Variants in PLEKHG3 observed in about 807,000 individuals in gnomAD.
PLEKHG3 encodes pleckstrin homology and RhoGEF domain containing G3.
PLEKHG3 carries 62 observed loss-of-function variants against 94.9 expected under a neutral mutation model. That is an observed-to-expected ratio of 0.65 (90% CI 0.53 to 0.81). PLEKHG3 has a LOEUF of 0.81. Ranked by LOEUF, PLEKHG3 falls within the 30% of genes least tolerant of loss-of-function variation. PLEKHG3 has a pLI of 0.00. For synonymous variants in PLEKHG3, 614 were observed against 654.0 expected (o/e 0.94, Z 0.93); for missense variants, 1,461 against 1,619.3 (o/e 0.90, Z 1.68).
rs1457637553 is a variant in PLEKHG3 at position 64,720,650 on chromosome 14, C to T, written c.-39-6943C>T. ...CAATGCTTTAAGTGATAGGGTGTTT[C>T]GAGTTCAGAGGAGTATATTACTTCC... is the stretch of plus-strand genomic sequence containing the variant. On this transcript the variant is annotated intron_variant, in intron 1 of 16. Coordinates refer to ENST00000247226, the MANE Select transcript of PLEKHG3 (RefSeq NM_001308147.2). This position sits in a 1 kb window ranked among gnomAD's most constrained non-coding sequence, Gnocchi z 4.1. Among the ~76,000 whole-genome samples the T allele has an allele frequency of 2.0e-5, 3 of 152,286 alleles. No homozygotes were observed. The highest frequency in any genetic ancestry group is 1.9e-4 in the East Asian group (1 of 5,180).
At position 64,743,210 on chromosome 14, in the gene PLEKHG3, A is replaced by G; in HGVS notation, c.3167A>G (p.Lys1056Arg). 2 of 1,609,768 alleles carry G rather than the reference A, an allele frequency of 1.2e-6. No homozygotes were observed. The highest frequency in any genetic ancestry group is 1.7e-6 in the Non-Finnish European group (2 of 1,179,784). Residue 1056 changes from lysine to arginine, a missense_variant, in exon 17 of 17, where the codon AAG becomes AGG. By Grantham distance (26) the Lys-to-Arg change is conservative. Around this residue, in one of 3 missense-constraint regions of PLEKHG3, gnomAD observed 1,201 missense variants for 1,295.5 expected, o/e 0.93. Coordinates refer to ENST00000247226, the MANE Select transcript of PLEKHG3 (RefSeq NM_001308147.2). This position sits in a 1 kb window ranked among gnomAD's most constrained non-coding sequence, Gnocchi z 7.2. ...CCCGACGTCCGTGAGCTCTGCTCCAAGTATGCCTCCCGCGATGAGGCACGC... is the reference window on the plus strand; with the variant it reads ...CCCGACGTCCGTGAGCTCTGCTCCAGGTATGCCTCCCGCGATGAGGCACGC... ...SWPDVRELCS[K>R]YASRDEARRA...
In PLEKHG3 at chr14:64,738,966, C is replaced by T; in HGVS notation, c.1518+111C>T. On this transcript the variant is annotated intron_variant, in intron 15 of 16. Coordinates refer to ENST00000247226, the MANE Select transcript of PLEKHG3 (RefSeq NM_001308147.2). This position sits in a 1 kb window ranked among gnomAD's most constrained non-coding sequence, Gnocchi z 4.8. ...GGCTCTCCCACTGGGCCCATGGGAA[C>T]AGAGATTCCCCACCTCCCAGGACTC... is the stretch of plus-strand genomic sequence containing the variant. 1 of 702,336 alleles carries T rather than the reference C, an allele frequency of 1.4e-6. No individual in the cohort carries two copies. Among genetic ancestry groups the T allele is most frequent in the Non-Finnish European group, 2.6e-6 (1 of 392,040 alleles). The allele number at this position is 702,336 out of a possible 1,614,324, so 43.5% of individuals were successfully genotyped here.
chr14:64,743,528 G>A lies in PLEKHG3; in HGVS notation c.3485G>A (p.Ser1162Asn). ...LPSPTAGLEE[S>N]SGQGPSSPVA... ...AGCCCCACTGCAGGGCTGGAGGAGA[G>A]CAGTGGCCAGGGACCAAGCTCACCG... is the stretch of plus-strand genomic sequence containing the variant. The change falls in exon 17 of 17, where the codon AGC becomes AAC. Residue 1162 changes from serine to asparagine, a missense_variant. Transcript: ENST00000247226. The surrounding 1 kb of genome is among the most constrained non-coding windows in gnomAD (Gnocchi z 7.2). The A allele has an allele frequency of 6.2e-7, 1 of 1,613,066 alleles. No individual in the cohort carries two copies. The highest frequency in any genetic ancestry group is 1.1e-5 in the South Asian group (1 of 91,078).
At chr14:64,735,701 A>C (rs980268755) in intron 12 of PLEKHG3, among the ~76,000 whole-genome samples, 1 of 151,844 alleles carries the variant, frequency 6.6e-6, no homozygotes, top group Admixed American at 6.6e-5. Context: ...GAAAGTCACT[A>C]GGGAGGGACT....
In PLEKHG3 at chr14:64,720,906, T is replaced by C. The variant is rs995057860; in HGVS notation, c.-39-6687T>C. 4.6e-5 allele frequency among the ~76,000 whole-genome samples: 7 copies of C among 152,214 alleles called. No homozygotes were observed. The highest frequency in any genetic ancestry group is 1.0e-4 in the Non-Finnish European group (7 of 68,036). On this transcript the variant is annotated intron_variant, in intron 1 of 16. Coordinates refer to ENST00000247226, the MANE Select transcript of PLEKHG3 (RefSeq NM_001308147.2). The surrounding 1 kb of genome is among the most constrained non-coding windows in gnomAD (Gnocchi z 4.1). Reference sequence around the variant, plus strand: ...AAGCCAGCAGTGTAGCATCTTCCAGTTCCCTTCTCTCTGTCCCTCTGCTTT... The same window carrying C: ...AAGCCAGCAGTGTAGCATCTTCCAGCTCCCTTCTCTCTGTCCCTCTGCTTT...
chr14:64,729,035 A>G lies in PLEKHG3; in HGVS notation c.391A>G (p.Lys131Glu). The change falls in exon 3 of 17, where the codon AAG becomes GAG. Residue 131 changes from lysine (K) to glutamate (E), a missense_variant. Coordinates refer to ENST00000247226, the MANE Select transcript of PLEKHG3 (RefSeq NM_001308147.2). ...LKIIDTPGLL[K>E]PEQVSALFGN... ...GATCATTGACACACCCGGGCTGCTGAAGCCAGAACAGGTCAGCGCCCTCTT... is the reference window on the plus strand; with the variant it reads ...GATCATTGACACACCCGGGCTGCTGGAGCCAGAACAGGTCAGCGCCCTCTT... 6.5e-7 allele frequency: 1 copy of G among 1,529,342 alleles called. No individual in the cohort carries two copies. The highest frequency in any genetic ancestry group is 8.8e-7 in the Non-Finnish European group (1 of 1,141,030). The allele number at this position is 1,529,342 out of a possible 1,614,324, so 94.7% of individuals were successfully genotyped here.
In PLEKHG3 at chr14:64,711,707, C is replaced by T. The variant is rs145360054; in HGVS notation, c.-40+7003C>T. ...AATTACAGGTGTGAGCCATTGCGCC[C>T]GGCCAAGAGTTCTTTATATATTCTG... is the stretch of plus-strand genomic sequence containing the variant. On this transcript the variant is annotated intron_variant, in intron 1 of 16. Transcript: ENST00000247226. Among the ~76,000 whole-genome samples the T allele has an allele frequency of 2.5e-4, 38 of 152,284 alleles. No homozygotes were observed. The East Asian group carries it at 6.7e-3, about 27-fold the overall frequency.
At position 64,741,574 on chromosome 14, in the gene PLEKHG3, T is replaced by G; in HGVS notation, c.2057T>G (p.Met686Arg). 3 of 1,612,976 alleles carry G rather than the reference T, an allele frequency of 1.9e-6. No homozygotes were observed. The highest frequency in any genetic ancestry group is 2.5e-6 in the Non-Finnish European group (3 of 1,180,034). The change falls in exon 16 of 17, where the codon ATG becomes AGG. Residue 686 changes from methionine (M) to arginine (R), a missense_variant. Met to Arg is a moderately conservative substitution (Grantham distance 91, BLOSUM62 -1). Transcript: ENST00000247226. ...GAGGACAGCCCTTCTGTCAATGGGA[T>G]GGAGCCCCCAAGCCCAGGCTGCCCA... ...ATEDSPSVNG[M>R]EPPSPGCPVE...
intron 1 of PLEKHG3, among the ~76,000 whole-genome samples, chr14:64,719,147 A>G (rs2081220204): frequency 6.6e-6 from 1 of 152,136 alleles, no homozygotes; most frequent in Non-Finnish European, 1.5e-5. Flanking sequence ...CATGGTCTAT[A>G]TGGATGTTGA....
intron 1 of PLEKHG3, among the ~76,000 whole-genome samples, chr14:64,708,927 A>G (rs1323625310): frequency 3.3e-5 from 5 of 151,304 alleles, no homozygotes; most frequent in Admixed American, 1.3e-4. Flanking sequence ...AAGCTAGATG[A>G]TCTGATATTA....
In PLEKHG3 at chr14:64,723,605, A is replaced by T. The variant is rs1012855428; in HGVS notation, c.-39-3988A>T. Among the ~76,000 whole-genome samples, 7 of 151,218 alleles carry T rather than the reference A, an allele frequency of 4.6e-5. No individual in the cohort carries two copies. Among genetic ancestry groups the T allele is most frequent in the African/African-American group, 7.3e-5 (3 of 41,192 alleles). ...AACATCTGCCTTCCAGGTTCAAGCG[A>T]TTCTTCTGCCTCAGCCCCCCGAGTA... On this transcript the variant is annotated intron_variant, in intron 1 of 16. Coordinates refer to ENST00000247226, the MANE Select transcript of PLEKHG3 (RefSeq NM_001308147.2). The surrounding 1 kb of genome is among the most constrained non-coding windows in gnomAD (Gnocchi z 4.5).
chr14:64,740,116 G>C (rs2081657514), intron 15 of PLEKHG3, among the ~76,000 whole-genome samples: 1 of 152,156 alleles, frequency 6.6e-6, no homozygotes, highest in South Asian at 2.1e-4. Context: ...AATCTGGTGT[G>C]TATTTTATCC....
chr14:64,704,815 C>T lies in PLEKHG3; in HGVS notation c.-40+111C>T, dbSNP rs2080945970. Reference sequence around the variant, plus strand: ...AGTCCCTTCGCGGCCCCCGTGCCAGCCCCCTGCGGGGTGAGGACCGGGGCG... The same window carrying T: ...AGTCCCTTCGCGGCCCCCGTGCCAGTCCCCTGCGGGGTGAGGACCGGGGCG... On this transcript the variant is annotated intron_variant, in intron 1 of 16. Transcript: ENST00000247226. This position sits in a 1 kb window ranked among gnomAD's most constrained non-coding sequence, Gnocchi z 5.6. 2 of 152,606 alleles carry T rather than the reference C, an allele frequency of 1.3e-5. No homozygotes were observed. Among genetic ancestry groups the T allele is most frequent in the Non-Finnish European group, 2.9e-5 (2 of 68,340 alleles). The allele number at this position is 152,606 out of a possible 1,614,324, so 9.5% of individuals were successfully genotyped here.
Position 64,742,404 on chromosome 14 carries a change from C to T in PLEKHG3, c.2887C>T (p.Pro963Ser), listed in dbSNP as rs1441742321. ...GGCCCCTGAGAGGGATGGGAAGAGC[C>T]CCACTGTGCCCTGTCTACAGGAAGA... ...KVAPERDGKS[P>S]TVPCLQEEAG... Residue 963 changes from proline to serine, a missense_variant, in exon 16 of 17, where the codon CCC becomes TCC. Coordinates refer to ENST00000247226, the MANE Select transcript of PLEKHG3 (RefSeq NM_001308147.2). The T allele has an allele frequency of 6.2e-7, 1 of 1,612,616 alleles. No homozygotes were observed.
rs2081290077 is a variant in PLEKHG3 at position 64,723,022 on chromosome 14, G to A, written c.-39-4571G>A. 6.6e-6 allele frequency among the ~76,000 whole-genome samples: 1 copy of A among 152,144 alleles called. No individual in the cohort carries two copies. Among genetic ancestry groups the A allele is most frequent in the Non-Finnish European group, 1.5e-5 (1 of 68,026 alleles). On this transcript the variant is annotated intron_variant, in intron 1 of 16. Transcript: ENST00000247226. The surrounding 1 kb of genome is among the most constrained non-coding windows in gnomAD (Gnocchi z 4.5). Reference sequence around the variant, plus strand: ...CTGTTGGGTCAGAATGGGGCATGGTGCTGAGGCGTAGTGGGGAGGGGAAGG... The same window carrying A: ...CTGTTGGGTCAGAATGGGGCATGGTACTGAGGCGTAGTGGGGAGGGGAAGG...
chr14:64,730,322 G>A lies in PLEKHG3; in HGVS notation c.519+10G>A. Reference sequence around the variant, plus strand: ...CTGCTTTGTGGAAAGGGTAAGAAGGGCTGGGTCCTTGCCTCTGTCCTACCT... The same window carrying A: ...CTGCTTTGTGGAAAGGGTAAGAAGGACTGGGTCCTTGCCTCTGTCCTACCT... On this transcript the variant is annotated intron_variant, in intron 4 of 16. Transcript: ENST00000247226. This position sits in a 1 kb window ranked among gnomAD's most constrained non-coding sequence, Gnocchi z 5.4. 6.6e-7 allele frequency: 1 copy of A among 1,517,632 alleles called. No homozygotes were observed. Among genetic ancestry groups the A allele is most frequent in the South Asian group, 1.2e-5 (1 of 83,680 alleles). 94.0% of individuals were successfully genotyped at this position (1,517,632 alleles called of 1,614,324 possible).
Position 64,731,001 on chromosome 14 carries a change from C to A in PLEKHG3, c.718-37C>A. ...TAGGGCCTGGGGAGGGCAGGGCCTT[C>A]GGGTCAGGGGCACCTAAGCGTCTAT... On this transcript the variant is annotated intron_variant, in intron 6 of 16. Coordinates refer to ENST00000247226, the MANE Select transcript of PLEKHG3 (RefSeq NM_001308147.2). The surrounding 1 kb of genome is among the most constrained non-coding windows in gnomAD (Gnocchi z 6.1). The A allele has an allele frequency of 6.2e-7, 1 of 1,613,662 alleles. No homozygotes were observed. The highest frequency in any genetic ancestry group is 8.5e-7 in the Non-Finnish European group (1 of 1,179,948).
Position 64,717,112 on chromosome 14 carries a change from C to CGTGTGTGT in PLEKHG3, c.-39-10451_-39-10444dup, listed in dbSNP as rs3063751. Among the ~76,000 whole-genome samples the CGTGTGTGT allele has an allele frequency of 0.027, 3,838 of 144,312 alleles. 78 individuals are homozygous for CGTGTGTGT. The highest frequency in any genetic ancestry group is 0.06 in the South Asian group (262 of 4,340). 94.7% of individuals were successfully genotyped at this position (144,312 alleles called of 152,430 possible). ...GGCTGGCCGCCTTTGGGAATTTACACGTGTGTGTGTGTGTGTGTGTGTGTG... is the reference window on the plus strand; with the variant it reads ...GGCTGGCCGCCTTTGGGAATTTACACGTGTGTGTGTGTGTGTGTGTGTGTGTGTGTGTG... On this transcript the variant is annotated intron_variant, in intron 1 of 16. Coordinates refer to ENST00000247226, the MANE Select transcript of PLEKHG3 (RefSeq NM_001308147.2). The surrounding 1 kb of genome is among the most constrained non-coding windows in gnomAD (Gnocchi z 4.7).
Position 64,732,117 on chromosome 14 carries a change from G to A in PLEKHG3, c.1148G>A (p.Arg383Gln), listed in dbSNP as rs138713446. The change falls in exon 10 of 17, where the codon CGG becomes CAG. Residue 383 changes from arginine to glutamine, a missense_variant. Arg to Gln is a conservative substitution (Grantham distance 43). Around this residue, in one of 3 missense-constraint regions of PLEKHG3, gnomAD observed 1,201 missense variants for 1,295.5 expected, o/e 0.93. Coordinates refer to ENST00000247226, the MANE Select transcript of PLEKHG3 (RefSeq NM_001308147.2). The surrounding 1 kb of genome is among the most constrained non-coding windows in gnomAD (Gnocchi z 4.9). The part of the protein sequence containing the change: ...SIQAKTVEEK[R>Q]NWTHHIKRLI... ...CAGGCCAAGACAGTGGAGGAGAAAC[G>A]GAACTGGACTCACCACATCAAGAGG... 2.2e-5 allele frequency: 35 copies of A among 1,613,844 alleles called. No homozygotes were observed. The highest frequency in any genetic ancestry group is 1.2e-4 in the African/African-American group (9 of 74,932).
Sources: allele counts gnomAD v4.1 joint callset (sites outside exome capture counted in the v4.1 genomes callset), GRCh38; gene constraint gnomAD v4.1.1; regional missense constraint gnomAD v4.1.1; non-coding constraint Gnocchi (gnomAD v3.1); transcripts MANE v1.5; gene names NCBI Gene and HGNC (gene_info 2026-07-23, HGNC 2026-07-21).